Variants in CDH12 observed in about 807,000 individuals in gnomAD.
CDH12 encodes cadherin-12.
Under a neutral mutation model 74.1 loss-of-function variants are expected in CDH12, and 41 were observed. The ratio of observed to expected loss-of-function variants is 0.55; its 90% CI spans 0.43 to 0.72. The LOEUF is 0.72. Ranked by LOEUF, CDH12 falls within the 30% of genes least tolerant of loss-of-function variation. The probability of loss-of-function intolerance (pLI) is 0.00; values close to 1 mark genes in which losing one functional copy is unlikely to be tolerated. For synonymous variants in CDH12, 399 were observed against 355.0 expected (o/e 1.12, Z -1.39); for missense variants, 945 against 977.2 (o/e 0.97, Z 0.44).
intron 3 of CDH12, among the ~76,000 whole-genome samples, chr5:22,393,142 T>C (rs1264398224): frequency 1.3e-5 from 2 of 152,130 alleles, no homozygotes; most frequent in African/African-American, 2.4e-5. Context: ...CCCCGGATGA[T>C]TTGAGTGAGT....
intron 6 of CDH12, among the ~76,000 whole-genome samples, chr5:21,963,073 T>C (rs1189472300): frequency 6.6e-6 from 1 of 151,732 alleles, no homozygotes; most frequent in African/African-American, 2.4e-5. Context: ...CTTAAGCAAC[T>C]TTAAGCTATT....
At chr5:22,585,420 A>T (rs1740334767) in intron 1 of CDH12, among the ~76,000 whole-genome samples, 1 of 152,154 alleles carries the variant, frequency 6.6e-6, no homozygotes, top group African/African-American at 2.4e-5. Flanking sequence ...AGCTTCACGA[A>T]TCTATGGATC....
chr5:22,231,887 T>C (rs1342625088), intron 3 of CDH12, among the ~76,000 whole-genome samples: 2 of 152,130 alleles, frequency 1.3e-5, no homozygotes, highest in Middle Eastern at 3.6e-3. Flanking sequence ...GAAAGTTATG[T>C]ATGAAATGCA....
intron 4 of CDH12, among the ~76,000 whole-genome samples, chr5:22,169,697 A>G (rs1014082908): frequency 1.3e-5 from 2 of 151,960 alleles, no homozygotes; most frequent in Non-Finnish European, 2.9e-5. Context: ...TTGTTTGTTG[A>G]ATGCATATCA....
intron 3 of CDH12, among the ~76,000 whole-genome samples, chr5:22,372,179 A>G (rs1020490799): frequency 6.6e-6 from 1 of 152,184 alleles, no homozygotes; most frequent in Non-Finnish European, 1.5e-5. Flanking sequence ...AAGGCTGACC[A>G]GAAGCAGCCA....
chr5:22,660,670 CA>C (rs1740301435), intron 1 of CDH12, among the ~76,000 whole-genome samples: 2 of 152,262 alleles, frequency 1.3e-5, no homozygotes, highest in South Asian at 4.1e-4. Context: ...TCCCTGCCTC[CA>C]CCTCCCAAAA....
At chr5:21,924,719 A>G (rs540440675) in intron 6 of CDH12, among the ~76,000 whole-genome samples, 1 of 152,296 alleles carries the variant, frequency 6.6e-6, no homozygotes, top group South Asian at 2.1e-4. Flanking sequence ...CTGTTGGACA[A>G]TGTAAGAATC....
chr5:22,024,277 A>C (rs990939647), intron 5 of CDH12, among the ~76,000 whole-genome samples: 3 of 152,172 alleles, frequency 2.0e-5, no homozygotes, highest in Non-Finnish European at 4.4e-5. Flanking sequence ...AATCCTTTAG[A>C]GCTGCAATGT....
rs1208911602 is a variant in CDH12, at chr5:21,750,994, A to T, written c.*743T>A. 2 of 151,344 alleles carry T rather than the reference A, an allele frequency of 1.3e-5. No homozygotes were observed. The highest frequency in any genetic ancestry group is 4.9e-5 in the African/African-American group (2 of 41,170). The allele number at this position is 151,344 out of a possible 1,614,324, so 9.4% of individuals were successfully genotyped here. A position where few individuals can be genotyped will look rare whatever the true frequency, so the allele number is the denominator to read the frequency against. On this transcript the variant is annotated 3_prime_UTR_variant, in exon 15 of 15. Coordinates refer to ENST00000382254, the MANE Select transcript of CDH12 (RefSeq NM_004061.5). ...TGGAAAAGAAAGTAACATTTTAATG[A>T]ACAGCTTTAATGTGAACTAATGTTA... is the stretch of plus-strand genomic sequence containing the variant.
intron 4 of CDH12, among the ~76,000 whole-genome samples, chr5:22,204,382 T>C (rs892528180): frequency 8.5e-5 from 13 of 152,120 alleles, no homozygotes; most frequent in African/African-American, 2.7e-4. Flanking sequence ...AGGATGGTCT[T>C]GATCTCCTGA....
intron 1 of CDH12, among the ~76,000 whole-genome samples, chr5:22,552,296 AAAAC>A (rs1738608282): frequency 6.6e-6 from 1 of 152,178 alleles, no homozygotes; most frequent in African/African-American, 2.4e-5. Context: ...AACAAAAACG[AAAAC>A]AAACAAACAT....
chr5:21,986,972 A>G (rs1266047379), intron 5 of CDH12, among the ~76,000 whole-genome samples: 3 of 152,126 alleles, frequency 2.0e-5, no homozygotes. Context: ...GCAAAATATA[A>G]TTTTAAAAAC....
chr5:22,618,488 T>C (rs1737798318), intron 1 of CDH12, among the ~76,000 whole-genome samples: 1 of 152,104 alleles, frequency 6.6e-6, no homozygotes, highest in South Asian at 2.1e-4. Context: ...TTTAGAAAGC[T>C]CTTGTTGCAC....
chr5:21,768,445 A>G (rs963508705), intron 11 of CDH12, among the ~76,000 whole-genome samples: 1 of 152,046 alleles, frequency 6.6e-6, no homozygotes. Context: ...AAAATAATAA[A>G]TTACCTAAAT....
intron 5 of CDH12, among the ~76,000 whole-genome samples, chr5:22,067,303 G>T (rs981143603): frequency 1.3e-5 from 2 of 152,172 alleles, no homozygotes; most frequent in Non-Finnish European, 2.9e-5. Flanking sequence ...GTTGAAATTT[G>T]TGGGAGCCTA....
At chr5:21,892,735 C>T (rs924213760) in intron 6 of CDH12, among the ~76,000 whole-genome samples, 2 of 152,022 alleles carry the variant, frequency 1.3e-5, no homozygotes, top group Non-Finnish European at 2.9e-5. Context: ...AGGATATGAC[C>T]TATGGCCATT....
intron 1 of CDH12, among the ~76,000 whole-genome samples, chr5:22,731,163 G>T (rs1044212993): frequency 6.6e-6 from 1 of 151,700 alleles, no homozygotes; most frequent in Non-Finnish European, 1.5e-5. Flanking sequence ...CAGAATCTTT[G>T]GAGATAAGAC....
intron 5 of CDH12, among the ~76,000 whole-genome samples, chr5:22,076,989 C>T (rs1250258092): frequency 6.6e-6 from 1 of 151,904 alleles, no homozygotes; most frequent in Admixed American, 6.6e-5. Flanking sequence ...CTTGAACAGC[C>T]CCTGACTCCT....
At chr5:21,877,649 G>A (rs962341967) in intron 6 of CDH12, among the ~76,000 whole-genome samples, 1 of 152,214 alleles carries the variant, frequency 6.6e-6, no homozygotes. Flanking sequence ...TTATGGCAGT[G>A]ATGACACTGC....
Sources: gnomAD v4.1 joint callset for allele counts (sites outside exome capture counted in the v4.1 genomes callset) on GRCh38, gnomAD v4.1.1 for gene constraint, MANE v1.5 for transcripts, NCBI Gene and HGNC (gene_info 2026-07-23, HGNC 2026-07-21) for gene names.